ATP10B: variants seen among roughly 807,000 people sequenced by gnomAD.
The protein encoded by ATP10B is phospholipid-transporting ATPase VB.
In ATP10B, 122 loss-of-function variants were observed where a neutral mutation model predicts 141.2. The ratio of observed to expected loss-of-function variants is 0.86; its 90% CI spans 0.75 to 1.00. The LOEUF is 1.00. ATP10B is among the 50% of genes least tolerant of loss of function. The probability of loss-of-function intolerance (pLI) is 0.00; values close to 1 mark genes in which losing one functional copy is unlikely to be tolerated. For missense variants in ATP10B, 1,876 were observed against 1,825.3 expected (o/e 1.03, Z -0.51); for synonymous variants, 685 against 692.0 (o/e 0.99, Z 0.16).
At chr5:160,732,331 T>C (rs1254384725) in intron 2 of ATP10B, among the ~76,000 whole-genome samples, 1 of 152,228 alleles carries the variant, frequency 6.6e-6, no homozygotes. Flanking sequence ...ATTTTTGCTT[T>C]TGTTGGTTGT....
At chr5:160,909,443 G>C in the ATP10B span, among the ~76,000 whole-genome samples, 14 of 152,120 alleles carry the variant, frequency 9.2e-5, no homozygotes, top group Non-Finnish European at 8.8e-5. Flanking sequence ...CCATGGTATG[G>C]TCCCTGACCA....
In ATP10B at chr5:160,598,990, C is replaced by T; in HGVS notation, c.3364-20G>A. On this transcript the variant is annotated intron_variant, in intron 21 of 25. Transcript: ENST00000327245. ...GTAGCACTGCAGGCAGAGAGCATGG[C>T]CTTGTGAGTGGGGCTCCATGTGCAG... is the stretch of plus-strand genomic sequence containing the variant. 6.2e-7 allele frequency: 1 copy of T among 1,611,906 alleles called. No individual in the cohort carries two copies. The highest frequency in any genetic ancestry group is 8.5e-7 in the Non-Finnish European group (1 of 1,178,804).
chr5:160,637,041 A>ATCCATCCATCC (rs1759449996), intron 10 of ATP10B, among the ~76,000 whole-genome samples: 2 of 56,014 alleles, frequency 3.6e-5, no homozygotes, highest in East Asian at 6.1e-4. Flanking sequence ...TCCATCCATG[A>ATCCATCCATCC]ATCCATCCAT....
chr5:160,681,999 C>T (rs1487658377), intron 6 of ATP10B, among the ~76,000 whole-genome samples: 2 of 152,318 alleles, frequency 1.3e-5, no homozygotes, highest in Admixed American at 6.5e-5. Flanking sequence ...TCCCTATTGC[C>T]TCCTAACACT....
intron 3 of ATP10B, among the ~76,000 whole-genome samples, chr5:160,696,582 G>C (rs1764375335): frequency 6.6e-6 from 1 of 152,140 alleles, no homozygotes; most frequent in Non-Finnish European, 1.5e-5. Flanking sequence ...TCTATTTGCT[G>C]TTCTGGGAAC....
the ATP10B span, among the ~76,000 whole-genome samples, chr5:160,860,309 G>T: frequency 6.6e-6 from 1 of 151,824 alleles, no homozygotes; most frequent in African/African-American, 2.4e-5. Context: ...TATATTAAAA[G>T]ATATCTACTA....
intron 2 of ATP10B, among the ~76,000 whole-genome samples, chr5:160,770,912 T>C (rs1448209460): frequency 6.6e-6 from 1 of 152,178 alleles, no homozygotes; most frequent in African/African-American, 2.4e-5. Flanking sequence ...GCGTAGGTAT[T>C]TGCATACTCA....
chr5:160,750,293 G>A (rs1429155727), intron 2 of ATP10B, among the ~76,000 whole-genome samples: 1 of 152,056 alleles, frequency 6.6e-6, no homozygotes, highest in Non-Finnish European at 1.5e-5. Flanking sequence ...GCTTGACAAG[G>A]GCTATTCTAA....
intron 1 of ATP10B, among the ~76,000 whole-genome samples, chr5:160,811,850 T>C (rs894438677): frequency 1.3e-5 from 2 of 152,136 alleles, no homozygotes; most frequent in African/African-American, 4.8e-5. Context: ...TGAGCGCACA[T>C]AGGCAGTAGC....
the ATP10B span, among the ~76,000 whole-genome samples, chr5:160,927,336 C>T: frequency 6.6e-6 from 1 of 152,172 alleles, no homozygotes; most frequent in Non-Finnish European, 1.5e-5. Flanking sequence ...AAGATCAATA[C>T]CATACCTGGC....
Position 160,617,965 on chromosome 5 carries a change from T to C in ATP10B, c.2425A>G (p.Ile809Val), listed in dbSNP as rs376488782. The change falls in exon 16 of 26, where the codon ATT becomes GTT. Residue 809 changes from isoleucine to valine, a missense_variant. Transcript: ENST00000327245. ...TTTCTCAGCTTCTTTTCCATATTAA[T>C]GTCAGGTACTGTCAAATAGCCATTT... Reference protein sequence around the residue: ...LLEDPACVPDINMEKKLRKIR... With the variant: ...LLEDPACVPDVNMEKKLRKIR... 6 of 1,613,758 alleles carry C rather than the reference T, an allele frequency of 3.7e-6. No homozygotes were observed. Among genetic ancestry groups the C allele is most frequent in the Middle Eastern group, 1.6e-4 (1 of 6,062 alleles).
intron 1 of ATP10B, among the ~76,000 whole-genome samples, chr5:160,797,581 C>A (rs1772038734): frequency 6.6e-6 from 1 of 152,144 alleles, no homozygotes; most frequent in Non-Finnish European, 1.5e-5. Context: ...TTTGGCCTTT[C>A]ATATAACAGA....
intron 2 of ATP10B, among the ~76,000 whole-genome samples, chr5:160,743,206 G>A (rs1427704444): frequency 6.6e-6 from 1 of 152,110 alleles, no homozygotes. Context: ...GTTCATGGAT[G>A]GATGAGCCAG....
At chr5:160,696,220 C>A (rs1200230726) in intron 3 of ATP10B, among the ~76,000 whole-genome samples, 2 of 152,112 alleles carry the variant, frequency 1.3e-5, no homozygotes, top group Non-Finnish European at 2.9e-5. Flanking sequence ...GATTCTCCTG[C>A]CTTAGCCTCC....
At chr5:160,811,080 A>AT (rs1446357122) in intron 1 of ATP10B, among the ~76,000 whole-genome samples, 1 of 152,158 alleles carries the variant, frequency 6.6e-6, no homozygotes, top group Non-Finnish European at 1.5e-5. Context: ...CCAGAAGGGA[A>AT]TCTCTGCCTT....
rs1235351301 is a variant in ATP10B, at chr5:160,634,485, G to A, written c.1250C>T (p.Ala417Val). 2.5e-6 allele frequency: 4 copies of A among 1,614,024 alleles called. No individual in the cohort carries two copies. The highest frequency in any genetic ancestry group is 1.7e-6 in the Non-Finnish European group (2 of 1,180,028). The change falls in exon 12 of 26, where the codon GCC (alanine) becomes GTC (valine). Residue 417 changes from alanine to valine, a missense_variant. By Grantham distance (64) the Ala-to-Val change is moderately conservative. Coordinates refer to ENST00000327245, the MANE Select transcript of ATP10B (RefSeq NM_025153.3). ...GCCCAAGTCCTCTGCGATGTTGAGG[G>A]CTCGACATTGAATGGATAAATCGGT... Reference protein sequence around the residue: ...EETDLSIQCRALNIAEDLGQI... With the variant: ...EETDLSIQCRVLNIAEDLGQI...
chr5:160,583,403 G>T (rs746961548), intron 24 of ATP10B, among the ~76,000 whole-genome samples: 1 of 152,198 alleles, frequency 6.6e-6, no homozygotes, highest in Non-Finnish European at 1.5e-5. Context: ...AGCAGAGGCT[G>T]CAGAACAGCA....
At chr5:160,641,176 C>T (rs944815770) in intron 9 of ATP10B, among the ~76,000 whole-genome samples, 3 of 152,174 alleles carry the variant, frequency 2.0e-5, no homozygotes, top group African/African-American at 7.2e-5. Context: ...TCAGGGAAAG[C>T]TGCTCCAAGG....
intron 1 of ATP10B, among the ~76,000 whole-genome samples, chr5:160,797,940 G>T (rs368917714): frequency 3.1e-5 from 2 of 65,050 alleles, no homozygotes; most frequent in Non-Finnish European, 6.6e-5. Context: ...GAAAAGAAAA[G>T]AAAAAAAGAA....
Sources: allele counts gnomAD v4.1 joint callset (sites outside exome capture counted in the v4.1 genomes callset), GRCh38; gene constraint gnomAD v4.1.1; transcripts MANE v1.5; gene names NCBI Gene and HGNC (gene_info 2026-07-23, HGNC 2026-07-21).